The following FZD3 variants were observed in gnomAD, a reference collection of about 807,000 sequenced individuals.
FZD3 encodes frizzled-3.
Under a neutral mutation model 60.7 loss-of-function variants are expected in FZD3, and 30 were observed. The ratio of observed to expected loss-of-function variants is 0.49; its 90% CI spans 0.37 to 0.67. The LOEUF (loss-of-function observed/expected upper bound fraction) is 0.67. Among genes scored for constraint, FZD3 ranks in the 30% least tolerant of loss-of-function variants. The pLI is 0.00. For synonymous variants in FZD3, 246 were observed against 275.2 expected (o/e 0.89, Z 1.05); for missense variants, 605 against 838.7 (o/e 0.72, Z 3.44).
At position 28,565,413 on chromosome 8, in the gene FZD3, A is replaced by G. The variant is rs935055369; in HGVS notation, c.*2402A>G. ...CTTTTGTCTGAGAATCTCTCCTGCA[A>G]ACAGCATGAGAGAACTAAAACAAAC... On this transcript the variant is annotated 3_prime_UTR_variant, in exon 8 of 8. Coordinates refer to ENST00000240093, the MANE Select transcript of FZD3 (RefSeq NM_017412.4). 2 of 152,206 alleles carry G rather than the reference A, an allele frequency of 1.3e-5. No homozygotes were observed. Among genetic ancestry groups the G allele is most frequent in the Non-Finnish European group, 2.9e-5 (2 of 68,008 alleles). 9.4% of individuals were successfully genotyped at this position (152,206 alleles called of 1,614,324 possible).
intron 5 of FZD3, among the ~76,000 whole-genome samples, chr8:28,531,730 G>A (rs1804880625): frequency 6.6e-6 from 1 of 151,816 alleles, no homozygotes; most frequent in Non-Finnish European, 1.5e-5. Context: ...GGCCATTTGG[G>A]GTTTCTCTGT....
intron 3 of FZD3, among the ~76,000 whole-genome samples, chr8:28,512,645 G>T (rs74794982): frequency 0.012 from 1,847 of 152,114 alleles, 76 homozygotes; most frequent in Admixed American, 0.076. Flanking sequence ...CTGGTGCAGG[G>T]TCTAAGATTT....
At chr8:28,497,482 T>G (rs1015707319) in intron 1 of FZD3, among the ~76,000 whole-genome samples, 1 of 152,318 alleles carries the variant, frequency 6.6e-6, no homozygotes. Context: ...TTAGAGATAG[T>G]TATTGCTAAT....
At position 28,571,560 on chromosome 8, in the gene FZD3, C is replaced by T. The variant is rs768253407; in HGVS notation, c.*8549C>T. 3 of 152,132 alleles carry T rather than the reference C, an allele frequency of 2.0e-5. No homozygotes were observed. The highest frequency in any genetic ancestry group is 1.9e-4 in the East Asian group (1 of 5,196). 9.4% of individuals were successfully genotyped at this position (152,132 alleles called of 1,614,324 possible). A position where few individuals can be genotyped will look rare whatever the true frequency, so the allele number is the denominator to read the frequency against. ...TGTGAGTTAGACTAAATCCAAATTTCGTATCATTCATCTTTTTATAATATT... is the reference window on the plus strand; with the variant it reads ...TGTGAGTTAGACTAAATCCAAATTTTGTATCATTCATCTTTTTATAATATT... On this transcript the variant is annotated 3_prime_UTR_variant, in exon 8 of 8. Transcript: ENST00000240093.
rs59741658 is a variant in FZD3 at position 28,518,222 on chromosome 8, C to CTT, written c.190-2401_190-2400dup. Among the ~76,000 whole-genome samples, 93 of 135,880 alleles carry CTT rather than the reference C, an allele frequency of 6.8e-4. 1 individual carries two copies. The highest frequency in any genetic ancestry group is 2.5e-3 in the East Asian group (12 of 4,718). 89.1% of individuals were successfully genotyped at this position (135,880 alleles called of 152,430 possible). On this transcript the variant is annotated intron_variant, in intron 3 of 7. Coordinates refer to ENST00000240093, the MANE Select transcript of FZD3 (RefSeq NM_017412.4). Reference sequence around the variant, plus strand: ...TACAGGCATATGCCACCATGCCTGGCTTTTTTTTTTTTTTTTAAGTAGAGA... The same window carrying CTT: ...TACAGGCATATGCCACCATGCCTGGCTTTTTTTTTTTTTTTTTTAAGTAGAGA...
Position 28,555,980 on chromosome 8 carries a change from TGTTA to T in FZD3, c.1787+12_1787+15del. Reference sequence around the variant, plus strand: ...AGATCACGTGATGGCAGGTGAGTTTTGTTAGTAGTGTAGTTTATTTCATAAGCTG... The same window carrying T: ...AGATCACGTGATGGCAGGTGAGTTTTGTAGTGTAGTTTATTTCATAAGCTG... On this transcript the variant is annotated intron_variant, in intron 7 of 7. Coordinates refer to ENST00000240093, the MANE Select transcript of FZD3 (RefSeq NM_017412.4). 1 of 1,529,130 alleles carries T rather than the reference TGTTA, an allele frequency of 6.5e-7. No individual in the cohort carries two copies. The highest frequency in any genetic ancestry group is 9.1e-7 in the Non-Finnish European group (1 of 1,104,466). The allele number at this position is 1,529,130 out of a possible 1,614,324, so 94.7% of individuals were successfully genotyped here. A position where few individuals can be genotyped will look rare whatever the true frequency, so the allele number is the denominator to read the frequency against.
intron 5 of FZD3, 56 bp from the exon 6 acceptor site, chr8:28,551,547 C>G: frequency 7.8e-7 from 1 of 1,287,930 alleles, no homozygotes. Context: ...TCATAATGGC[C>G]TTTAATAGAA....
In FZD3 at chr8:28,527,376, A is replaced by C; in HGVS notation, c.616A>C (p.Ile206Leu). Residue 206 changes from isoleucine to leucine, a missense_variant, in exon 5 of 8, where the codon ATA becomes CTA. By Grantham distance (5) the Ile-to-Leu change is conservative. Coordinates refer to ENST00000240093, the MANE Select transcript of FZD3 (RefSeq NM_017412.4). This position sits in a 1 kb window ranked among gnomAD's most constrained non-coding sequence, Gnocchi z 5.0. ...REELSFARYF[I>L]GLISIICLSA... is the part of the protein sequence containing the mutation. ...AGAACTGTCATTTGCTCGCTATTTC[A>C]TAGGATTGATTTCAATCATTTGCCT... 6.2e-7 allele frequency: 1 copy of C among 1,613,842 alleles called. No homozygotes were observed. Among genetic ancestry groups the C allele is most frequent in the Non-Finnish European group, 8.5e-7 (1 of 1,179,734 alleles).
chr8:28,562,177 A>G (rs1805624949), intron 7 of FZD3, among the ~76,000 whole-genome samples: 1 of 152,224 alleles, frequency 6.6e-6, no homozygotes, highest in East Asian at 1.9e-4. Flanking sequence ...ATGAAGGAGC[A>G]TCTTCACAGC....
At position 28,522,971 on chromosome 8, in the gene FZD3, C is replaced by T. The variant is rs901838234; in HGVS notation, c.386+2137C>T. ...TTTTGGTAGAGACGGGGTTTCACCA[C>T]GTTGGCCAGGCTGGTCTCGAACTCC... On this transcript the variant is annotated intron_variant, in intron 4 of 7. Coordinates refer to ENST00000240093, the MANE Select transcript of FZD3 (RefSeq NM_017412.4). 9.2e-5 allele frequency among the ~76,000 whole-genome samples: 14 copies of T among 151,842 alleles called. No individual in the cohort carries two copies. In the South Asian group the frequency reaches 1.2e-3, roughly 14 times the overall value.
At chr8:28,556,310 T>C (rs1805507620) in intron 7 of FZD3, among the ~76,000 whole-genome samples, 3 of 152,230 alleles carry the variant, frequency 2.0e-5, no homozygotes, top group Non-Finnish European at 4.4e-5. Flanking sequence ...GACTTAGGCA[T>C]GATCTTTGCT....
chr8:28,528,455 A>G (rs1804777225), intron 5 of FZD3, among the ~76,000 whole-genome samples: 1 of 151,740 alleles, frequency 6.6e-6, no homozygotes, highest in South Asian at 2.1e-4. Flanking sequence ...CGTGGGGGAG[A>G]AGCACTTTAC....
intron 2 of FZD3, among the ~76,000 whole-genome samples, chr8:28,501,336 T>G (rs1303650395): frequency 6.6e-6 from 1 of 152,226 alleles, no homozygotes; most frequent in Non-Finnish European, 1.5e-5. Context: ...AACTGAAGCT[T>G]GGGACATGGA....
At position 28,503,059 on chromosome 8, in the gene FZD3, T is replaced by C; in HGVS notation, c.46T>C (p.Phe16Leu). The stretch of plus-strand genomic sequence containing the variant: ...CTTCTCTCTTTGGCCCTTGACTGTG[T>C]TCATGGGGCATATAGGTGGGCACAG... ...IVFSLWPLTV[F>L]MGHIGGHSLF... Residue 16 changes from phenylalanine to leucine, a missense_variant, in exon 3 of 8, where the codon TTC (phenylalanine) becomes CTC (leucine). Transcript: ENST00000240093. The C allele has an allele frequency of 6.2e-7, 1 of 1,613,716 alleles. No homozygotes were observed. The highest frequency in any genetic ancestry group is 8.5e-7 in the Non-Finnish European group (1 of 1,179,654).
At chr8:28,551,875 GTA>G in intron 6 of FZD3, 124 bp downstream of exon 6, 1 of 795,570 alleles carries the variant, frequency 1.3e-6, no homozygotes, top group South Asian at 1.8e-5. Flanking sequence ...ATTTTCAGCA[GTA>G]TCCAGTTATG....
intron 3 of FZD3, among the ~76,000 whole-genome samples, chr8:28,515,867 C>CCGGA (rs1353460203): frequency 6.6e-6 from 1 of 152,186 alleles, no homozygotes; most frequent in Non-Finnish European, 1.5e-5. Context: ...CGTTCACTGT[C>CCGGA]CTGATAGTGT....
rs1661285965 is a variant in FZD3 at position 28,547,219 on chromosome 8, T to G, written c.1405-4384T>G. 1.3e-5 allele frequency among the ~76,000 whole-genome samples: 2 copies of G among 152,216 alleles called. 1 individual carries two copies. The highest frequency in any genetic ancestry group is 4.1e-4 in the South Asian group (2 of 4,834). On this transcript the variant is annotated intron_variant, in intron 5 of 7. Coordinates refer to ENST00000240093, the MANE Select transcript of FZD3 (RefSeq NM_017412.4). ...TCCCATACACACTTCCCTACCTTGC[T>G]CTTGTCATTTAATGATATATTTTGG...
At chr8:28,555,034 C>G (rs776711253) in intron 6 of FZD3, among the ~76,000 whole-genome samples, 2 of 152,078 alleles carry the variant, frequency 1.3e-5, no homozygotes, top group Non-Finnish European at 2.9e-5. Context: ...CTACTTAGTC[C>G]TTTGATAGCA....
chr8:28,536,328 G>A (rs544228295), intron 5 of FZD3, among the ~76,000 whole-genome samples: 8 of 151,758 alleles, frequency 5.3e-5, no homozygotes, highest in African/African-American at 1.2e-4. Context: ...CATTTATTTC[G>A]GTAACAGAAA....
Sources: allele counts gnomAD v4.1 joint callset (sites outside exome capture counted in the v4.1 genomes callset), GRCh38; gene constraint gnomAD v4.1.1; non-coding constraint Gnocchi (gnomAD v3.1); transcripts MANE v1.5; gene names NCBI Gene and HGNC (gene_info 2026-07-23, HGNC 2026-07-21).